The following GRIP1 variants were observed in gnomAD, a reference collection of about 807,000 sequenced individuals.
The protein encoded by GRIP1 is glutamate receptor interacting protein 1, also known as glutamate receptor-interacting protein 1.
Under a neutral mutation model 129.9 loss-of-function variants are expected in GRIP1, and 45 were observed. The ratio of observed to expected loss-of-function variants is 0.35; its 90% CI spans 0.27 to 0.44. The LOEUF is 0.44. Ranked by LOEUF, GRIP1 falls within the 20% of genes least tolerant of loss-of-function variation. GRIP1 has a pLI of 1.00. For missense variants in GRIP1, 1,196 were observed against 1,396.8 expected, an observed-to-expected ratio of 0.86 and a Z score of 2.29; for synonymous variants, 530 against 520.8, an observed-to-expected ratio of 1.02 and a Z score of -0.24.
intron 9 of GRIP1, among the ~76,000 whole-genome samples, 173 bp downstream of exon 9, chr12:66,462,751 G>A (rs1030645792): frequency 3.5e-5 from 5 of 141,266 alleles, no homozygotes; most frequent in Middle Eastern, 8.3e-3. Context: ...GGAGTCAACC[G>A]AGATCATGCT....
At chr12:66,922,059 C>A (rs2041222505) in intron 1 of GRIP1, among the ~76,000 whole-genome samples, 1 of 152,122 alleles carries the variant, frequency 6.6e-6, no homozygotes, top group Non-Finnish European at 1.5e-5. Flanking sequence ...GTTTATTTCA[C>A]CTTATCTATT....
intron 3 of GRIP1, among the ~76,000 whole-genome samples, chr12:66,539,545 C>CTTTTTTTTTTTTTTTTTTTTTT (rs35373698): frequency 1.9e-4 from 11 of 59,288 alleles, no homozygotes; most frequent in African/African-American, 3.2e-4. Context: ...TCAAGAGAAG[C>CTTTTTTTTTTTTTTTTTTTTTT]TTTTTTTTTT....
intron 1 of GRIP1, among the ~76,000 whole-genome samples, chr12:66,938,337 G>A (rs955386657): frequency 5.9e-5 from 9 of 152,082 alleles, no homozygotes; most frequent in African/African-American, 1.2e-4. Context: ...ATCATGCCAC[G>A]GCATTCCAGC....
chr12:66,961,478 A>C (rs1055432295), intron 1 of GRIP1, among the ~76,000 whole-genome samples: 4 of 152,180 alleles, frequency 2.6e-5, no homozygotes, highest in African/African-American at 9.6e-5. Context: ...CAATGTTATA[A>C]GAAGTAGTTA....
At chr12:66,967,654 G>T (rs902202236) in intron 1 of GRIP1, among the ~76,000 whole-genome samples, 1 of 152,096 alleles carries the variant, frequency 6.6e-6, no homozygotes, top group African/African-American at 2.4e-5. Flanking sequence ...TGAGACTACA[G>T]GCTATTCAAA....
At chr12:66,867,587 T>A (rs1459535082) in intron 1 of GRIP1, among the ~76,000 whole-genome samples, 2 of 152,146 alleles carry the variant, frequency 1.3e-5, no homozygotes, top group African/African-American at 2.4e-5. Flanking sequence ...ACCTTACATA[T>A]GTTATAATTA....
intron 14 of GRIP1, among the ~76,000 whole-genome samples, chr12:66,421,205 A>C (rs183483898): frequency 3.7e-4 from 57 of 152,202 alleles, no homozygotes; most frequent in Non-Finnish European, 7.6e-4. Flanking sequence ...GCCATATATC[A>C]CTTCAGTGTA....
intron 1 of GRIP1, among the ~76,000 whole-genome samples, chr12:66,792,025 A>T (rs1347878195): frequency 6.6e-6 from 1 of 152,206 alleles, no homozygotes; most frequent in Non-Finnish European, 1.5e-5. Flanking sequence ...TGGATTTCTC[A>T]TGAGAAAGAG....
intron 1 of GRIP1, among the ~76,000 whole-genome samples, chr12:66,716,866 C>G (rs2035906094): frequency 6.6e-6 from 1 of 152,072 alleles, no homozygotes; most frequent in Admixed American, 6.6e-5. Flanking sequence ...TGGTCCCCAA[C>G]TCTTAAGACA....
At chr12:66,821,886 G>A (rs1012172324) in intron 1 of GRIP1, among the ~76,000 whole-genome samples, 2 of 152,122 alleles carry the variant, frequency 1.3e-5, no homozygotes, top group Non-Finnish European at 2.9e-5. Context: ...TCTAATAGGG[G>A]TTTTGAGTGT....
At chr12:66,464,110 GGTCA>G (rs2059214686) in intron 8 of GRIP1, among the ~76,000 whole-genome samples, 1 of 152,168 alleles carries the variant, frequency 6.6e-6, no homozygotes, top group South Asian at 2.1e-4. Flanking sequence ...AGGGGAGACT[GGTCA>G]TTCAGGTGCA....
chr12:66,359,734 G>T (rs1441159298), intron 23 of GRIP1, among the ~76,000 whole-genome samples: 3 of 152,060 alleles, frequency 2.0e-5, no homozygotes, highest in Admixed American at 6.6e-5. Context: ...GCCTAGTAAT[G>T]GCAAATTAAC....
chr12:66,808,604 TG>T (rs2039043979), upstream of GRIP1, among the ~76,000 whole-genome samples: 1 of 147,220 alleles, frequency 6.8e-6, no homozygotes. Flanking sequence ...TGTTTTGTTT[TG>T]TTTTTTTTTA....
intron 7 of GRIP1, among the ~76,000 whole-genome samples, chr12:66,487,664 C>A (rs1030322100): frequency 6.6e-6 from 1 of 152,040 alleles, no homozygotes; most frequent in Non-Finnish European, 1.5e-5. Flanking sequence ...CAGGATAATG[C>A]CCCAATTAAA....
At chr12:67,054,529 C>A (rs539569859) in intron 1 of GRIP1, among the ~76,000 whole-genome samples, 5 of 152,096 alleles carry the variant, frequency 3.3e-5, no homozygotes, top group African/African-American at 9.6e-5. Context: ...TTTGGGAGGC[C>A]GAAGTGGGCA....
chr12:66,639,589 T>C (rs1410029003), intron 1 of GRIP1, among the ~76,000 whole-genome samples: 1 of 152,188 alleles, frequency 6.6e-6, no homozygotes, highest in Non-Finnish European at 1.5e-5. Flanking sequence ...AGAGATTAAA[T>C]AGTTATTCCA....
At chr12:66,826,086 A>T (rs2039406614) in intron 1 of GRIP1, among the ~76,000 whole-genome samples, 1 of 152,218 alleles carries the variant, frequency 6.6e-6, no homozygotes, top group South Asian at 2.1e-4. Flanking sequence ...AGTCTGGATA[A>T]AGAAAATGTG....
intron 1 of GRIP1, among the ~76,000 whole-genome samples, chr12:66,662,600 G>A (rs1000112773): frequency 1.3e-5 from 2 of 152,036 alleles, no homozygotes; most frequent in African/African-American, 4.8e-5. Context: ...ATATTTTGTG[G>A]TATACAAGCC....
chr12:66,699,043 T>C (rs1005675598), intron 1 of GRIP1, among the ~76,000 whole-genome samples: 3 of 152,096 alleles, frequency 2.0e-5, no homozygotes, highest in African/African-American at 7.2e-5. Context: ...TCTCACATCA[T>C]CCAGCCCTCA....
Sources: gnomAD v4.1 joint callset for allele counts (sites outside exome capture counted in the v4.1 genomes callset) on GRCh38, gnomAD v4.1.1 for gene constraint, MANE v1.5 for transcripts, NCBI Gene and HGNC (gene_info 2026-07-23, HGNC 2026-07-21) for gene names.